The following HBS1L variants were observed in gnomAD, a reference collection of about 807,000 sequenced individuals.
The protein encoded by HBS1L is HBS1 like translational GTPase.
HBS1L carries 55 observed loss-of-function variants against 88.9 expected under a neutral mutation model. The ratio of observed to expected loss-of-function variants is 0.62; its 90% CI spans 0.50 to 0.77. The LOEUF (loss-of-function observed/expected upper bound fraction) is 0.77, where lower values mean the gene tolerates loss of function less well. HBS1L is among the 30% of genes least tolerant of loss of function. The probability of loss-of-function intolerance (pLI) is 0.00; values close to 1 mark genes in which losing one functional copy is unlikely to be tolerated. For synonymous variants in HBS1L, 267 were observed against 288.5 expected, an observed-to-expected ratio of 0.93 and a Z score of 0.76; for missense variants, 741 against 829.3, an observed-to-expected ratio of 0.89 and a Z score of 1.31.
At chr6:135,034,334 CTTTTCA>C (rs1468076199) in intron 4 of HBS1L, among the ~76,000 whole-genome samples, 1 of 152,138 alleles carries the variant, frequency 6.6e-6, no homozygotes, top group African/African-American at 2.4e-5. Flanking sequence ...AAAGACCAGC[CTTTTCA>C]TTTTCATTAA....
chr6:135,032,348 G>C (rs1776412602), intron 4 of HBS1L, among the ~76,000 whole-genome samples: 1 of 151,912 alleles, frequency 6.6e-6, no homozygotes, highest in Non-Finnish European at 1.5e-5. Flanking sequence ...TTCAAAATGT[G>C]ACAAATTTTT....
At chr6:135,026,494 T>A (rs543529908) in intron 4 of HBS1L, among the ~76,000 whole-genome samples, 15 of 152,238 alleles carry the variant, frequency 9.9e-5, no homozygotes, top group African/African-American at 2.6e-4. Context: ...CAACTTTTTT[T>A]AAAATGACAG....
chr6:135,015,633 G>A (rs1242746629), intron 4 of HBS1L, among the ~76,000 whole-genome samples: 1 of 152,132 alleles, frequency 6.6e-6, no homozygotes, highest in Non-Finnish European at 1.5e-5. Context: ...CCAGGCTGGA[G>A]TGCAGTAGCG....
rs1777198445 is a variant in HBS1L, at chr6:135,054,775, C to A, written c.-84G>T. 1 of 1,524,586 alleles carries A rather than the reference C, an allele frequency of 6.6e-7. No homozygotes were observed. Among genetic ancestry groups the A allele is most frequent in the Non-Finnish European group, 9.0e-7 (1 of 1,109,594 alleles). 94.4% of individuals were successfully genotyped at this position (1,524,586 alleles called of 1,614,324 possible). ...ATACTGATAAGGCGCCAACTGCAGC[C>A]TGGAGAACCCCTATGCGCCATCTTG... On this transcript the variant is annotated 5_prime_UTR_variant, in exon 1 of 18. The change creates a new upstream start codon in the 5' untranslated region. Coordinates refer to ENST00000367837, the MANE Select transcript of HBS1L (RefSeq NM_006620.4).
At chr6:134,981,429 T>C (rs772329277) in intron 13 of HBS1L, among the ~76,000 whole-genome samples, 3 of 151,996 alleles carry the variant, frequency 2.0e-5, no homozygotes, top group Non-Finnish European at 4.4e-5. Flanking sequence ...CATTCCCTTA[T>C]TCATCTTTAA....
chr6:134,971,631 A>C (rs1774490659), intron 15 of HBS1L, among the ~76,000 whole-genome samples: 1 of 152,218 alleles, frequency 6.6e-6, no homozygotes, highest in East Asian at 1.9e-4. Flanking sequence ...ACACGAAAAT[A>C]ACAGAGGGAA....
chr6:134,978,416 G>T (rs1255199880), intron 15 of HBS1L, among the ~76,000 whole-genome samples: 1 of 151,498 alleles, frequency 6.6e-6, no homozygotes, highest in African/African-American at 2.4e-5. Flanking sequence ...TTTTTCCCTG[G>T]ATAAATTTTA....
intron 7 of HBS1L, among the ~76,000 whole-genome samples, 154 bp from the exon 8 acceptor site, chr6:134,994,029 C>G (rs1450558218): frequency 6.6e-6 from 1 of 152,030 alleles, no homozygotes; most frequent in Non-Finnish European, 1.5e-5. Context: ...TCAATCGGGG[C>G]TGGAATTTCT....
chr6:134,999,369 T>G (rs1339573407), intron 5 of HBS1L, among the ~76,000 whole-genome samples: 1 of 152,022 alleles, frequency 6.6e-6, no homozygotes, highest in Non-Finnish European at 1.5e-5. Flanking sequence ...TCATTTCATC[T>G]GCAATTCAAT....
At chr6:135,010,789 A>G (rs1278303381) in intron 4 of HBS1L, among the ~76,000 whole-genome samples, 1 of 152,198 alleles carries the variant, frequency 6.6e-6, no homozygotes, top group African/African-American at 2.4e-5. Flanking sequence ...AGAATGACCA[A>G]TAAAATAAAC....
chr6:134,994,578 C>T (rs1482084228), intron 7 of HBS1L, among the ~76,000 whole-genome samples: 2 of 151,972 alleles, frequency 1.3e-5, no homozygotes, highest in Admixed American at 6.6e-5. Context: ...GGGGATGGGA[C>T]CCACATCTAA....
intron 2 of HBS1L, among the ~76,000 whole-genome samples, chr6:135,047,518 C>T (rs963728404): frequency 4.6e-5 from 7 of 152,194 alleles, no homozygotes; most frequent in Non-Finnish European, 8.8e-5. Context: ...AAAACATCTG[C>T]TATGCCTCAC....
chr6:134,966,417 G>C lies in HBS1L; in HGVS notation c.1955C>G (p.Ala652Gly). 6.2e-7 allele frequency: 1 copy of C among 1,612,340 alleles called. No homozygotes were observed. The highest frequency in any genetic ancestry group is 8.5e-7 in the Non-Finnish European group (1 of 1,178,814). ...LVELQTQRPIALELYKDFKEL... is the reference protein window; with the variant it reads ...LVELQTQRPIGLELYKDFKEL... ...TTTAAAGTCTTTATATAGCTCAAGAGCTATTGGTCTTTGTGTCTGTAGCTC... is the reference window on the plus strand; with the variant it reads ...TTTAAAGTCTTTATATAGCTCAAGACCTATTGGTCTTTGTGTCTGTAGCTC... Residue 652 changes from alanine to glycine, a missense_variant, in exon 17 of 18, where the codon GCT becomes GGT. Transcript: ENST00000367837.
At chr6:135,046,405 GCAAA>G (rs961445696) in intron 2 of HBS1L, among the ~76,000 whole-genome samples, 23 of 151,434 alleles carry the variant, frequency 1.5e-4, no homozygotes, top group African/African-American at 5.6e-4. Context: ...TTAGAATGGA[GCAAA>G]CAAAGATTAC....
chr6:134,989,706 G>A (rs1469426003), intron 8 of HBS1L, among the ~76,000 whole-genome samples: 4 of 152,116 alleles, frequency 2.6e-5, no homozygotes, highest in Admixed American at 6.5e-5. Flanking sequence ...CCTTTTACTC[G>A]TACCTAAATA....
intron 4 of HBS1L, 150 bp downstream of exon 4, chr6:135,039,423 G>C (rs931493531): frequency 1.5e-6 from 1 of 650,928 alleles, no homozygotes; most frequent in African/African-American, 1.9e-5. Context: ...TCCACAACTA[G>C]ATCAACTGAT....
chr6:134,979,500 A>C (rs1240008831), intron 13 of HBS1L: 1 of 429,874 alleles, frequency 2.3e-6, no homozygotes, highest in Non-Finnish European at 4.2e-6. Context: ...TGCCCATAAA[A>C]GGCTGACTTC....
In HBS1L at chr6:134,966,009, A is replaced by G. The variant is rs541847829; in HGVS notation, c.2043+320T>C. Among the ~76,000 whole-genome samples, 26 of 152,308 alleles carry G rather than the reference A, an allele frequency of 1.7e-4. No individual in the cohort carries two copies. The South Asian group carries it at 5.0e-3, about 29-fold the overall frequency. On this transcript the variant is annotated intron_variant, in intron 17 of 17. Coordinates refer to ENST00000367837, the MANE Select transcript of HBS1L (RefSeq NM_006620.4). ...ATTCATATTAATTATGATAGTGTAG[A>G]AGAAATTAAATCATTGAAATTTTCT...
chr6:134,984,479 G>C (rs1196732046), intron 12 of HBS1L, among the ~76,000 whole-genome samples: 2 of 152,128 alleles, frequency 1.3e-5, no homozygotes, highest in Non-Finnish European at 2.9e-5. Context: ...AGAATACAGA[G>C]GGACGCGTCA....
Sources: gnomAD v4.1 joint callset for allele counts (sites outside exome capture counted in the v4.1 genomes callset) on GRCh38, gnomAD v4.1.1 for gene constraint, MANE v1.5 for transcripts, NCBI Gene and HGNC (gene_info 2026-07-23, HGNC 2026-07-21) for gene names.